The following OSBPL10 variants were observed in gnomAD, a reference collection of about 807,000 sequenced individuals.
The protein encoded by OSBPL10 is oxysterol binding protein like 10.
A neutral mutation model predicts 81.7 loss-of-function variants in OSBPL10; 49 were observed. The observed-to-expected ratio is 0.60, with a 90% CI of 0.48 to 0.76. The LOEUF (loss-of-function observed/expected upper bound fraction) is 0.76, where lower values mean the gene tolerates loss of function less well. Ranked by LOEUF, OSBPL10 falls within the 30% of genes least tolerant of loss-of-function variation. OSBPL10 has a pLI of 0.00. For synonymous variants in OSBPL10, 419 were observed against 383.6 expected (o/e 1.09, Z -1.08); for missense variants, 923 against 987.8 (o/e 0.93, Z 0.88).
rs1251749635 is a variant in OSBPL10 at position 31,910,635 on chromosome 3, CA to C, written c.282-30806del. Among the ~76,000 whole-genome samples the C allele has an allele frequency of 1.1e-4, 16 of 144,202 alleles. No individual in the cohort carries two copies. The East Asian group carries it at 1.4e-3, about 13-fold the overall frequency. 94.6% of individuals were successfully genotyped at this position (144,202 alleles called of 152,430 possible). Reference sequence around the variant, plus strand: ...TGGGGGACAGAGTGAGACTCTAGCTCAAAAAAAAAATAAAAATAAAAATAAA... The same window carrying C: ...TGGGGGACAGAGTGAGACTCTAGCTCAAAAAAAAATAAAAATAAAAATAAA... On this transcript the variant is annotated intron_variant, in intron 1 of 11. Transcript: ENST00000396556.
intron 8 of OSBPL10, among the ~76,000 whole-genome samples, chr3:31,677,465 A>C (rs1169468636): frequency 6.6e-6 from 1 of 152,234 alleles, no homozygotes; most frequent in East Asian, 1.9e-4. Flanking sequence ...GGCCATGTCC[A>C]GGAGAGGCCT....
Position 31,716,041 on chromosome 3 carries a change from G to A in OSBPL10, c.1096-13533C>T, listed in dbSNP as rs138816095. Among the ~76,000 whole-genome samples, 237 of 152,204 alleles carry A rather than the reference G, an allele frequency of 1.6e-3. 1 individual carries two copies. In the Middle Eastern group the frequency reaches 0.041, roughly 26 times the overall value. ...CACTGTGGGAATGCAGAGTGGCAGCGGGAAAGGCTCTAAATTAGGTCTACT... is the reference window on the plus strand; with the variant it reads ...CACTGTGGGAATGCAGAGTGGCAGCAGGAAAGGCTCTAAATTAGGTCTACT... On this transcript the variant is annotated intron_variant, in intron 6 of 11. Coordinates refer to ENST00000396556, the MANE Select transcript of OSBPL10 (RefSeq NM_017784.5).
At chr3:31,778,183 T>A (rs186629969) in intron 4 of OSBPL10, among the ~76,000 whole-genome samples, 1 of 152,252 alleles carries the variant, frequency 6.6e-6, no homozygotes, top group African/African-American at 2.4e-5. Flanking sequence ...ATAAACTCAG[T>A]GCTATTAGCA....
At chr3:32,045,615 T>A (rs1699613606) in intron 2 of OSBPL10, among the ~76,000 whole-genome samples, 1 of 152,160 alleles carries the variant, frequency 6.6e-6, no homozygotes, top group Non-Finnish European at 1.5e-5. Context: ...CAGACATTTT[T>A]AAAGGAGGCA....
chr3:31,720,881 CAAAA>C lies in OSBPL10; in HGVS notation c.1095+12372_1095+12375del, dbSNP rs61492992. Among the ~76,000 whole-genome samples the C allele has an allele frequency of 7.5e-5, 5 of 66,306 alleles. No homozygotes were observed. The East Asian group carries it at 1.3e-3, about 17-fold the overall frequency. 43.5% of individuals were successfully genotyped at this position (66,306 alleles called of 152,430 possible). On this transcript the variant is annotated intron_variant, in intron 6 of 11. Transcript: ENST00000396556. ...TGGGCAACAGAGCGAGACTCTGTCT[CAAAA>C]AAAAAAAAAAAAAAAAAAAGGCCCA...
intron 1 of OSBPL10, among the ~76,000 whole-genome samples, chr3:31,928,238 T>C (rs1380120480): frequency 1.3e-5 from 2 of 152,186 alleles, no homozygotes; most frequent in African/African-American, 2.4e-5. Context: ...GTATTGATCT[T>C]TTTAAAAAAT....
intron 7 of OSBPL10, among the ~76,000 whole-genome samples, chr3:31,684,957 G>T (rs771179979): frequency 5.9e-5 from 9 of 152,180 alleles, no homozygotes; most frequent in Non-Finnish European, 1.0e-4. Context: ...AACTCTGGTA[G>T]AGATAAGACA....
chr3:31,683,959 G>A lies in OSBPL10; in HGVS notation c.1401C>T (p.His467=), dbSNP rs769623159. 6.8e-6 allele frequency: 11 copies of A among 1,614,124 alleles called. No individual in the cohort carries two copies. Among genetic ancestry groups the A allele is most frequent in the South Asian group, 2.2e-5 (2 of 91,088 alleles). The change falls in exon 8 of 12, where the codon CAC becomes CAT. Residue 467 remains histidine (H), a synonymous_variant. Coordinates refer to ENST00000396556, the MANE Select transcript of OSBPL10 (RefSeq NM_017784.5). Reference sequence around the variant, plus strand: ...TGGCTAAAGCGCCCTTGCGGCCCTCGTGAAAGGCTGTGAGATAATACTCAA... The same window carrying A: ...TGGCTAAAGCGCCCTTGCGGCCCTCATGAAAGGCTGTGAGATAATACTCAA... ...CFVEYYLTAF[H]EGRKGALAKK...
intron 6 of OSBPL10, among the ~76,000 whole-genome samples, chr3:31,712,101 GGAAGTACAGCTGA>G (rs945574578): frequency 6.6e-6 from 1 of 152,164 alleles, no homozygotes; most frequent in African/African-American, 2.4e-5. Context: ...CTTACTGCAG[GGAAGTACAGCTGA>G]GGCCAAGCAC....
chr3:31,965,851 A>ATACATTATATATATTATATAAAT (rs1467396829), intron 1 of OSBPL10, among the ~76,000 whole-genome samples: 1 of 61,728 alleles, frequency 1.6e-5, no homozygotes, highest in African/African-American at 6.9e-5. Context: ...ATTATATAAA[A>ATACATTATATATATTATATAAAT]AGATAATATA....
intron 1 of OSBPL10, among the ~76,000 whole-genome samples, chr3:32,059,108 C>A (rs547478014): frequency 6.6e-6 from 1 of 152,100 alleles, no homozygotes; most frequent in South Asian, 2.1e-4. Flanking sequence ...ACCAGCCTGG[C>A]CAACATGATG....
intron 3 of OSBPL10, among the ~76,000 whole-genome samples, chr3:31,837,960 T>C (rs951014473): frequency 6.6e-6 from 1 of 152,192 alleles, no homozygotes; most frequent in African/African-American, 2.4e-5. Context: ...TCTCTCTAAT[T>C]AGCTTTATAA....
intron 1 of OSBPL10, among the ~76,000 whole-genome samples, chr3:32,053,334 G>A (rs776221195): frequency 5.9e-5 from 9 of 152,176 alleles, no homozygotes; most frequent in Non-Finnish European, 1.3e-4. Context: ...GGATAAAGCT[G>A]AAGGTTTGAG....
intron 3 of OSBPL10, among the ~76,000 whole-genome samples, chr3:31,831,855 C>T (rs951692288): frequency 2.6e-5 from 4 of 152,168 alleles, no homozygotes; most frequent in Non-Finnish European, 4.4e-5. Context: ...CCCCTGGCTC[C>T]AGCAATCCCG....
intron 4 of OSBPL10, among the ~76,000 whole-genome samples, chr3:31,826,423 G>A (rs971855896): frequency 5.9e-5 from 9 of 152,154 alleles, no homozygotes; most frequent in Non-Finnish European, 1.3e-4. Context: ...GCTGGGTTCC[G>A]ACCTTTGGTA....
chr3:31,981,312 T>C, upstream of OSBPL10: 3 of 1,258,308 alleles, frequency 2.4e-6, no homozygotes, highest in Non-Finnish European at 3.0e-6. This position sits in a 1 kb window ranked among gnomAD's most constrained non-coding sequence, Gnocchi z 4.5. Context: ...GCCTGACTCA[T>C]ACAGGAGGAA....
chr3:32,041,125 C>T (rs1699571076), intron 2 of OSBPL10, among the ~76,000 whole-genome samples: 1 of 152,110 alleles, frequency 6.6e-6, no homozygotes, highest in South Asian at 2.1e-4. Context: ...CTCCGTGCCA[C>T]ATACACCCCA....
At chr3:32,010,557 C>G (rs1205869756) in intron 2 of OSBPL10, among the ~76,000 whole-genome samples, 1 of 152,168 alleles carries the variant, frequency 6.6e-6, no homozygotes, top group Non-Finnish European at 1.5e-5. Flanking sequence ...AACTGAGGTA[C>G]TGGGTTCATC....
intron 1 of OSBPL10, among the ~76,000 whole-genome samples, chr3:31,954,637 C>T (rs978179623): frequency 6.6e-6 from 1 of 152,086 alleles, no homozygotes; most frequent in African/African-American, 2.4e-5. Context: ...GCAAGAGACA[C>T]AACAGAAGCT....
Sources: gnomAD v4.1 joint callset for allele counts (sites outside exome capture counted in the v4.1 genomes callset) on GRCh38, gnomAD v4.1.1 for gene constraint, Gnocchi (gnomAD v3.1) non-coding constraint, MANE v1.5 for transcripts, NCBI Gene and HGNC (gene_info 2026-07-23, HGNC 2026-07-21) for gene names.